PTGER3: variants seen among roughly 807,000 people sequenced by gnomAD.
PTGER3 encodes the protein prostaglandin E2 receptor EP3 subtype.
Under a neutral mutation model 34.7 loss-of-function variants are expected in PTGER3, and 22 were observed. The observed-to-expected ratio is 0.63, with a 90% confidence interval of 0.45 to 0.91. PTGER3 has a LOEUF of 0.91. Among genes scored for constraint, PTGER3 ranks in the 40% least tolerant of loss-of-function variants. The pLI, the probability that PTGER3 is intolerant of heterozygous loss-of-function variation, is 0.00. For missense variants in PTGER3, 468 were observed against 519.4 expected (o/e 0.90, Z 0.96); for synonymous variants, 241 against 230.1 (o/e 1.05, Z -0.43).
intron 2 of PTGER3, chr1:71,011,240 C>A: frequency 1.0e-6 from 1 of 985,252 alleles, no homozygotes; most frequent in Non-Finnish European, 1.2e-6. Flanking sequence ...GAGGAGCAGG[C>A]AGAAGAGCTG....
At chr1:70,967,241 T>A (rs1447511510), downstream of PTGER3, among the ~76,000 whole-genome samples, 1 of 152,104 alleles carries the variant, frequency 6.6e-6, no homozygotes, top group Non-Finnish European at 1.5e-5. Context: ...CAGTGTGATA[T>A]CACCTACTTG....
intron 4 of PTGER3, among the ~76,000 whole-genome samples, chr1:70,940,087 T>A (rs1399276227): frequency 6.6e-6 from 1 of 152,218 alleles, no homozygotes; most frequent in Non-Finnish European, 1.5e-5. Flanking sequence ...CTTAGAAATT[T>A]CTTCTGCCAG....
At chr1:70,905,337 G>A (rs1646922789) in intron 4 of PTGER3, among the ~76,000 whole-genome samples, 2 of 151,978 alleles carry the variant, frequency 1.3e-5, no homozygotes, top group South Asian at 4.2e-4. Flanking sequence ...GCTGTAAGAA[G>A]ATGACCACCA....
chr1:70,948,985 G>C (rs1650484406), downstream of PTGER3, among the ~76,000 whole-genome samples: 2 of 152,094 alleles, frequency 1.3e-5, no homozygotes, highest in Admixed American at 6.6e-5. Flanking sequence ...TTTTTTCTTT[G>C]AGTTAAATAT....
intron 4 of PTGER3, among the ~76,000 whole-genome samples, chr1:70,882,643 C>T (rs1023646118): frequency 2.0e-5 from 3 of 152,306 alleles, no homozygotes; most frequent in East Asian, 3.9e-4. Flanking sequence ...CCAGGTGGCT[C>T]TCTACCTCAG....
At position 70,958,443 on chromosome 1, in the gene PTGER3, A is replaced by G. The variant is rs2100616641; in HGVS notation, c.1078-4654T>C. 3.3e-5 allele frequency among the ~76,000 whole-genome samples: 5 copies of G among 152,226 alleles called. No individual in the cohort carries two copies. The Middle Eastern group carries it at 0.014, about 414-fold the overall frequency. On this transcript the variant is annotated intron_variant, in intron 2 of 3. Transcript: ENST00000356595. ...CCTCAGGTGATTAGTGAAGTTTTGC[A>G]TTTTTAATCTATCTGTTGGTTATTT...
chr1:70,918,055 A>G (rs1166592758), intron 4 of PTGER3, among the ~76,000 whole-genome samples: 1 of 152,028 alleles, frequency 6.6e-6, no homozygotes, highest in African/African-American at 2.4e-5. Context: ...ACATAGACCA[A>G]TGGAACAGAA....
intron 4 of PTGER3, among the ~76,000 whole-genome samples, chr1:70,873,948 T>C (rs183467450): frequency 3.3e-3 from 510 of 152,262 alleles, no homozygotes; most frequent in African/African-American, 0.012. Flanking sequence ...TGGTCTCTTG[T>C]TTGGTCTCTT....
intron 4 of PTGER3, among the ~76,000 whole-genome samples, chr1:70,862,056 G>A (rs1645938765): frequency 6.6e-6 from 1 of 151,838 alleles, no homozygotes; most frequent in Admixed American, 6.6e-5. Flanking sequence ...GAATAAAACT[G>A]TTGTGAAAGC....
At chr1:71,003,451 T>G (rs1442648448) in intron 2 of PTGER3, among the ~76,000 whole-genome samples, 5 of 152,218 alleles carry the variant, frequency 3.3e-5, no homozygotes, top group Non-Finnish European at 7.3e-5. Context: ...TATAAATCTC[T>G]CTTGTTGGGC....
At chr1:70,887,288 G>A (rs996336956) in intron 4 of PTGER3, among the ~76,000 whole-genome samples, 14 of 152,132 alleles carry the variant, frequency 9.2e-5, no homozygotes, top group Admixed American at 7.2e-4. Context: ...ATTCCTTCCT[G>A]GCACTTTTCA....
chr1:70,863,842 T>C (rs1645983184), intron 4 of PTGER3, among the ~76,000 whole-genome samples: 1 of 152,116 alleles, frequency 6.6e-6, no homozygotes, highest in Non-Finnish European at 1.5e-5. Flanking sequence ...GGTGAGTATA[T>C]GGTAGATGAT....
chr1:70,959,551 G>C (rs1377913115), intron 2 of PTGER3, among the ~76,000 whole-genome samples: 2 of 151,980 alleles, frequency 1.3e-5, no homozygotes, highest in African/African-American at 4.8e-5. Flanking sequence ...AGTAGATATG[G>C]GGTTTCACCA....
chr1:70,909,256 A>G (rs1202505439), intron 4 of PTGER3, among the ~76,000 whole-genome samples: 1 of 152,232 alleles, frequency 6.6e-6, no homozygotes, highest in African/African-American at 2.4e-5. Flanking sequence ...TGCAAAGCCC[A>G]GAGAGCTATG....
intron 4 of PTGER3, among the ~76,000 whole-genome samples, chr1:70,926,697 G>A (rs1410242660): frequency 6.6e-6 from 1 of 151,746 alleles, no homozygotes; most frequent in African/African-American, 2.4e-5. Context: ...AATTGTCCTG[G>A]CCAGAACTTC....
intron 2 of PTGER3, among the ~76,000 whole-genome samples, chr1:70,978,117 C>A (rs1572831378): frequency 6.6e-6 from 1 of 152,238 alleles, no homozygotes; most frequent in East Asian, 1.9e-4. Flanking sequence ...AATTCAAATG[C>A]CAGCAGTCTA....
At chr1:70,990,871 C>T (rs1655412526) in intron 2 of PTGER3, among the ~76,000 whole-genome samples, 3 of 152,124 alleles carry the variant, frequency 2.0e-5, no homozygotes, top group Non-Finnish European at 4.4e-5. Context: ...ACTAGATTAT[C>T]TGTGTTTACC....
At chr1:70,898,002 TA>T (rs34100101) in intron 4 of PTGER3, among the ~76,000 whole-genome samples, 17 of 149,704 alleles carry the variant, frequency 1.1e-4, no homozygotes, top group Admixed American at 8.0e-4. Flanking sequence ...CTCACTGATT[TA>T]AAAAAAAAAG....
intron 1 of PTGER3, among the ~76,000 whole-genome samples, chr1:71,042,508 A>G (rs976578343): frequency 6.6e-6 from 1 of 152,034 alleles, no homozygotes; most frequent in Non-Finnish European, 1.5e-5. Flanking sequence ...TAATCATAGA[A>G]TATTTTGTTG....
Sources: allele counts gnomAD v4.1 joint callset (sites outside exome capture counted in the v4.1 genomes callset), GRCh38; gene constraint gnomAD v4.1.1; transcripts MANE v1.5; gene names NCBI Gene and HGNC (gene_info 2026-07-23, HGNC 2026-07-21).